NTM: variants seen among roughly 807,000 people sequenced by gnomAD.
The protein encoded by NTM is neurotrimin.
A neutral mutation model predicts 42.1 loss-of-function variants in NTM; 13 were observed. The ratio of observed to expected loss-of-function variants is 0.31; its 90% CI spans 0.20 to 0.49. The LOEUF (loss-of-function observed/expected upper bound fraction) is 0.49. Among genes scored for constraint, NTM ranks in the 20% least tolerant of loss-of-function variants. The pLI is 0.99. For synonymous variants in NTM, 187 were observed against 179.2 expected (o/e 1.04, Z -0.35); for missense variants, 373 against 452.8 (o/e 0.82, Z 1.60).
chr11:131,400,787 A>C (rs983765023), intron 1 of NTM, among the ~76,000 whole-genome samples: 4 of 152,184 alleles, frequency 2.6e-5, no homozygotes, highest in Non-Finnish European at 5.9e-5. Context: ...AATGTACCAA[A>C]GCATTTGAAA....
intron 1 of NTM, among the ~76,000 whole-genome samples, chr11:131,789,825 G>C (rs1344274995): frequency 1.3e-5 from 2 of 150,672 alleles, no homozygotes; most frequent in Non-Finnish European, 3.0e-5. Context: ...GTGTGGTGGC[G>C]GGAGCCTGTA....
intron 1 of NTM, among the ~76,000 whole-genome samples, chr11:131,825,975 T>A (rs1354606348): frequency 6.6e-6 from 1 of 152,186 alleles, no homozygotes; most frequent in Non-Finnish European, 1.5e-5. Context: ...GATTATTGTT[T>A]TATATGTTAA....
chr11:131,670,374 C>T lies in NTM; in HGVS notation c.83-241190C>T, dbSNP rs1277795099. On this transcript the variant is annotated intron_variant, in intron 1 of 8. Transcript: ENST00000683400. ...CTCTCTCTTACTTTCTTCCTTCCTT[C>T]CTTCCTTTCTTTCTTTTTCTTTCTT... 2.6e-5 allele frequency among the ~76,000 whole-genome samples: 4 copies of T among 152,004 alleles called. No individual in the cohort carries two copies. The East Asian group carries it at 7.8e-4, about 29-fold the overall frequency.
chr11:131,420,878 T>C (rs1438676565), intron 1 of NTM, among the ~76,000 whole-genome samples: 1 of 152,190 alleles, frequency 6.6e-6, no homozygotes, highest in East Asian at 1.9e-4. Context: ...GGCAAATGCC[T>C]GGTCTGGTTC....
chr11:132,265,966 A>C (rs1003049056), intron 4 of NTM, among the ~76,000 whole-genome samples: 5 of 152,154 alleles, frequency 3.3e-5, no homozygotes, highest in African/African-American at 1.2e-4. Flanking sequence ...ACAGACACTT[A>C]AGCCAAAATC....
intron 1 of NTM, among the ~76,000 whole-genome samples, chr11:131,897,672 A>T (rs1161591467): frequency 1.3e-5 from 2 of 152,250 alleles, no homozygotes; most frequent in Non-Finnish European, 2.9e-5. Flanking sequence ...TCAAATTCCA[A>T]GTATTCTATT....
intron 2 of NTM, among the ~76,000 whole-genome samples, chr11:132,139,624 G>A (rs1335267726): frequency 2.6e-5 from 4 of 152,210 alleles, no homozygotes. Flanking sequence ...CATTACAGAA[G>A]TGGAGGGGGA....
chr11:131,417,489 T>C (rs1298117414), intron 1 of NTM, among the ~76,000 whole-genome samples: 2 of 152,158 alleles, frequency 1.3e-5, no homozygotes, highest in Non-Finnish European at 2.9e-5. Context: ...TGTAGCCCTA[T>C]AGGTATAGGG....
At chr11:131,761,962 GC>G (rs2084283629) in intron 1 of NTM, among the ~76,000 whole-genome samples, 1 of 152,218 alleles carries the variant, frequency 6.6e-6, no homozygotes, top group South Asian at 2.1e-4. Context: ...CTGTCTGCAA[GC>G]CAGGGAGAGA....
intron 1 of NTM, among the ~76,000 whole-genome samples, chr11:131,629,216 C>T (rs966498482): frequency 2.0e-5 from 3 of 152,068 alleles, no homozygotes; most frequent in Non-Finnish European, 4.4e-5. Flanking sequence ...AGAGTAAGGC[C>T]ATGTGGCTGC....
chr11:132,297,762 G>A (rs146692925), intron 4 of NTM, among the ~76,000 whole-genome samples: 101 of 152,202 alleles, frequency 6.6e-4, no homozygotes, highest in East Asian at 6.4e-3. Context: ...CATCACTAGG[G>A]GATGATCCAG....
At chr11:132,096,553 ACAAG>A (rs2061015204) in intron 2 of NTM, among the ~76,000 whole-genome samples, 1 of 152,204 alleles carries the variant, frequency 6.6e-6, no homozygotes, top group East Asian at 1.9e-4. Flanking sequence ...TAATGATCTT[ACAAG>A]CAATGTAACT....
intron 1 of NTM, among the ~76,000 whole-genome samples, chr11:131,753,445 A>G (rs1219307092): frequency 6.6e-6 from 1 of 152,150 alleles, no homozygotes; most frequent in African/African-American, 2.4e-5. Flanking sequence ...ATGCACACCT[A>G]TATTTATTGC....
intron 2 of NTM, among the ~76,000 whole-genome samples, chr11:131,926,251 G>A (rs1213962333): frequency 6.6e-6 from 1 of 152,162 alleles, no homozygotes; most frequent in Non-Finnish European, 1.5e-5. Context: ...ACCTTCTTCA[G>A]CCCTTGAGCA....
At chr11:131,866,486 A>G (rs2047234028) in intron 1 of NTM, among the ~76,000 whole-genome samples, 1 of 152,380 alleles carries the variant, frequency 6.6e-6, no homozygotes, top group Non-Finnish European at 1.5e-5. Flanking sequence ...CAGGTTGGCC[A>G]TGCCTTCAGA....
intron 1 of NTM, among the ~76,000 whole-genome samples, chr11:131,512,556 C>T (rs146168123): frequency 7.5e-4 from 114 of 152,318 alleles, no homozygotes; most frequent in Non-Finnish European, 1.2e-3. Flanking sequence ...CAGGGCTGTG[C>T]TCCTCCCTCT....
chr11:131,494,275 A>T (rs1955105953), intron 1 of NTM, among the ~76,000 whole-genome samples: 1 of 152,186 alleles, frequency 6.6e-6, no homozygotes, highest in African/African-American at 2.4e-5. Context: ...CCAATAAGCC[A>T]TGATATTGAC....
At chr11:132,173,594 A>G (rs1328962985) in intron 3 of NTM, among the ~76,000 whole-genome samples, 1 of 152,208 alleles carries the variant, frequency 6.6e-6, no homozygotes, top group Non-Finnish European at 1.5e-5. Context: ...TATTCATGTG[A>G]TTACATCTGT....
At chr11:131,580,247 G>T (rs917717869) in intron 1 of NTM, among the ~76,000 whole-genome samples, 1 of 152,196 alleles carries the variant, frequency 6.6e-6, no homozygotes, top group African/African-American at 2.4e-5. Context: ...TCACATATTT[G>T]TGGCATTAAT....
Sources: allele counts gnomAD v4.1 joint callset (sites outside exome capture counted in the v4.1 genomes callset), GRCh38; gene constraint gnomAD v4.1.1; transcripts MANE v1.5; gene names NCBI Gene and HGNC (gene_info 2026-07-23, HGNC 2026-07-21).